SH3RF3: variants seen among roughly 807,000 people sequenced by gnomAD.
The protein encoded by SH3RF3 is SH3 domain containing ring finger 3, also known as E3 ubiquitin-protein ligase SH3RF3.
A neutral mutation model predicts 66.3 loss-of-function variants in SH3RF3; 29 were observed. That is an observed-to-expected ratio of 0.44 (90% CI 0.33 to 0.60). SH3RF3 has a LOEUF of 0.60. Among genes scored for constraint, SH3RF3 ranks in the 20% least tolerant of loss-of-function variants. SH3RF3 has a pLI of 0.04. For synonymous variants in SH3RF3, 583 were observed against 532.0 expected (o/e 1.10, Z -1.32); for missense variants, 1,194 against 1,190.9 (o/e 1.00, Z -0.04).
At chr2:109,315,460 G>A (rs1217058003) in intron 1 of SH3RF3, among the ~76,000 whole-genome samples, 1 of 152,236 alleles carries the variant, frequency 6.6e-6, no homozygotes, top group Non-Finnish European at 1.5e-5. Context: ...TCTGTAGAAT[G>A]CACTTGCTTT....
At chr2:109,409,515 C>T (rs1676532315) in intron 4 of SH3RF3, among the ~76,000 whole-genome samples, 1 of 152,150 alleles carries the variant, frequency 6.6e-6, no homozygotes, top group Non-Finnish European at 1.5e-5. Context: ...AAATTTGGAA[C>T]TCCTACGGGG....
chr2:109,140,478 T>A (rs1676920443), intron 1 of SH3RF3, among the ~76,000 whole-genome samples: 1 of 152,102 alleles, frequency 6.6e-6, no homozygotes, highest in Non-Finnish European at 1.5e-5. Flanking sequence ...CCTCCCAGGT[T>A]CACACCATTC....
At chr2:109,133,368 A>G (rs1313677645) in intron 1 of SH3RF3, among the ~76,000 whole-genome samples, 1 of 152,250 alleles carries the variant, frequency 6.6e-6, no homozygotes, top group Non-Finnish European at 1.5e-5. Context: ...ACTGGGACTT[A>G]ATAGAGAAAA....
rs191653572 is a variant in SH3RF3 at position 109,172,623 on chromosome 2, A to G, written c.573+42510A>G. Among the ~76,000 whole-genome samples, 426 of 152,082 alleles carry G rather than the reference A, an allele frequency of 2.8e-3. 5 individuals carry two copies. Among genetic ancestry groups the G allele is most frequent in the African/African-American group, 9.7e-3 (402 of 41,502 alleles). ...GCTGGTGTTTTGAATCAGCAGCATCACCTCTCCGGAGCCCATAGCAGGAAG... is the reference window on the plus strand; with the variant it reads ...GCTGGTGTTTTGAATCAGCAGCATCGCCTCTCCGGAGCCCATAGCAGGAAG... On this transcript the variant is annotated intron_variant, in intron 1 of 9. Coordinates refer to ENST00000309415, the MANE Select transcript of SH3RF3 (RefSeq NM_001099289.3).
Position 109,439,229 on chromosome 2 carries a change from TC to T in SH3RF3, c.1828+2085del, listed in dbSNP as rs1677495697. On this transcript the variant is annotated intron_variant, in intron 7 of 9. Coordinates refer to ENST00000309415, the MANE Select transcript of SH3RF3 (RefSeq NM_001099289.3). ...CATGAGGGTGCCACGAGCATTCTCTTCCATCAGTTTAATGTTACACACGGGG... is the reference window on the plus strand; with the variant it reads ...CATGAGGGTGCCACGAGCATTCTCTTCATCAGTTTAATGTTACACACGGGG... Among the ~76,000 whole-genome samples the T allele has an allele frequency of 2.6e-5, 4 of 152,252 alleles. No individual in the cohort carries two copies. In the South Asian group the frequency reaches 8.3e-4, roughly 32 times the overall value.
chr2:109,330,702 A>G (rs1682263474), intron 1 of SH3RF3, among the ~76,000 whole-genome samples: 1 of 152,182 alleles, frequency 6.6e-6, no homozygotes, highest in African/African-American at 2.4e-5. Flanking sequence ...GGATGGATAC[A>G]TGACGGATGG....
chr2:109,378,460 G>T (rs1317294303), intron 3 of SH3RF3, among the ~76,000 whole-genome samples: 1 of 152,212 alleles, frequency 6.6e-6, no homozygotes, highest in African/African-American at 2.4e-5. Flanking sequence ...ATGAACTAGA[G>T]GCTGCATGGG....
At chr2:109,389,142 A>G (rs1343131740) in intron 3 of SH3RF3, among the ~76,000 whole-genome samples, 2 of 152,224 alleles carry the variant, frequency 1.3e-5, no homozygotes, top group Non-Finnish European at 2.9e-5. Flanking sequence ...CACATAGAAC[A>G]CAGGTGAGCG....
intron 8 of SH3RF3, among the ~76,000 whole-genome samples, chr2:109,488,548 C>A (rs1679041117): frequency 6.6e-6 from 1 of 152,222 alleles, no homozygotes; most frequent in Admixed American, 6.5e-5. Flanking sequence ...CTCCTCACTC[C>A]CTGCCCCCAG....
At chr2:109,247,635 T>C (rs1679948444) in intron 1 of SH3RF3, among the ~76,000 whole-genome samples, 1 of 152,242 alleles carries the variant, frequency 6.6e-6, no homozygotes, top group African/African-American at 2.4e-5. Context: ...ACCTCACAGT[T>C]GACGGACTGG....
Position 109,422,658 on chromosome 2 carries a change from G to A in SH3RF3, c.1403+3016G>A, listed in dbSNP as rs142641050. 4.5e-3 allele frequency among the ~76,000 whole-genome samples: 681 copies of A among 152,310 alleles called. 9 individuals carry two copies. Among genetic ancestry groups the A allele is most frequent in the African/African-American group, 0.015 (642 of 41,566 alleles). On this transcript the variant is annotated intron_variant, in intron 5 of 9. Coordinates refer to ENST00000309415, the MANE Select transcript of SH3RF3 (RefSeq NM_001099289.3). ...TCCTCTGGCAGACCTGCTGTGATTTGGGAAAGCAGAAATATGATTGTCTGC... is the reference window on the plus strand; with the variant it reads ...TCCTCTGGCAGACCTGCTGTGATTTAGGAAAGCAGAAATATGATTGTCTGC...
At chr2:109,251,849 A>C (rs1680099071) in intron 1 of SH3RF3, among the ~76,000 whole-genome samples, 1 of 152,248 alleles carries the variant, frequency 6.6e-6, no homozygotes, top group African/African-American at 2.4e-5. Flanking sequence ...ATCCCTTTAA[A>C]GTACATAATG....
intron 1 of SH3RF3, among the ~76,000 whole-genome samples, chr2:109,160,940 G>A (rs758326287): frequency 6.6e-6 from 1 of 152,178 alleles, no homozygotes; most frequent in African/African-American, 2.4e-5. Context: ...CTCAACCAGG[G>A]GTGTGGCTGA....
intron 4 of SH3RF3, among the ~76,000 whole-genome samples, chr2:109,403,610 G>A (rs1003359935): frequency 3.5e-4 from 53 of 152,300 alleles, no homozygotes; most frequent in Admixed American, 2.8e-3. Flanking sequence ...AGGTCCCTGC[G>A]GTGCTCCATA....
At chr2:109,416,064 G>A (rs1333921389) in intron 4 of SH3RF3, among the ~76,000 whole-genome samples, 1 of 152,198 alleles carries the variant, frequency 6.6e-6, no homozygotes, top group Non-Finnish European at 1.5e-5. Context: ...GTCACCAGAA[G>A]TGGCCATGCA....
intron 2 of SH3RF3, among the ~76,000 whole-genome samples, chr2:109,349,384 G>A (rs973378656): frequency 5.3e-5 from 8 of 152,136 alleles, no homozygotes; most frequent in African/African-American, 1.7e-4. Context: ...ACAGCTTCCC[G>A]GGAAACTGCA....
chr2:109,447,575 C>T (rs761364762), intron 7 of SH3RF3, among the ~76,000 whole-genome samples: 86 of 152,244 alleles, frequency 5.6e-4, no homozygotes, highest in Middle Eastern at 3.4e-3. Flanking sequence ...TGGTGCTGCC[C>T]GGGCCACTTG....
At position 109,438,141 on chromosome 2, in the gene SH3RF3, A is replaced by T. The variant is rs562829860; in HGVS notation, c.1828+995A>T. 7.9e-5 allele frequency among the ~76,000 whole-genome samples: 12 copies of T among 152,356 alleles called. No homozygotes were observed. The South Asian group carries it at 2.3e-3, about 29-fold the overall frequency. On this transcript the variant is annotated intron_variant, in intron 7 of 9. Transcript: ENST00000309415. ...AAAGCAGCTTCTCAAGTGTGGAAAG[A>T]GGAGACAACACTTAGGTCAGCAGAG...
At chr2:109,385,994 T>C (rs979716383) in intron 3 of SH3RF3, among the ~76,000 whole-genome samples, 5 of 152,238 alleles carry the variant, frequency 3.3e-5, no homozygotes, top group African/African-American at 1.2e-4. Flanking sequence ...GGGGTTTTAG[T>C]TGTAGCAATT....
Sources: gnomAD v4.1 joint callset for allele counts (sites outside exome capture counted in the v4.1 genomes callset) on GRCh38, gnomAD v4.1.1 for gene constraint, MANE v1.5 for transcripts, NCBI Gene and HGNC (gene_info 2026-07-23, HGNC 2026-07-21) for gene names.